The following LYPD6B variants were observed in gnomAD, a reference collection of about 807,000 sequenced individuals.
LYPD6B encodes ly6/PLAUR domain-containing protein 6B.
LYPD6B carries 17 observed loss-of-function variants against 22.8 expected under a neutral mutation model. The ratio of observed to expected loss-of-function variants is 0.75; its 90% CI spans 0.51 to 1.12. The LOEUF (loss-of-function observed/expected upper bound fraction) is 1.12. LYPD6B is among the 50% of genes most tolerant of loss of function. The pLI is 0.00. For missense variants in LYPD6B, 221 were observed against 258.3 expected, an observed-to-expected ratio of 0.86 and a Z score of 0.99; for synonymous variants, 106 against 91.6, an observed-to-expected ratio of 1.16 and a Z score of -0.90.
At chr2:149,054,884 A>G (rs1036111332) in intron 1 of LYPD6B, among the ~76,000 whole-genome samples, 8 of 152,146 alleles carry the variant, frequency 5.3e-5, no homozygotes, top group African/African-American at 1.7e-4. Flanking sequence ...ATTTAAAAAA[A>G]AAAAAAAGTT....
At chr2:149,134,098 C>T (rs1355484760) in intron 2 of LYPD6B, among the ~76,000 whole-genome samples, 1 of 152,140 alleles carries the variant, frequency 6.6e-6, no homozygotes, top group Middle Eastern at 3.4e-3. Flanking sequence ...TATGAAGTGT[C>T]GTTCTGAGAA....
At chr2:149,119,689 A>T (rs1040181999) in intron 1 of LYPD6B, among the ~76,000 whole-genome samples, 1 of 152,210 alleles carries the variant, frequency 6.6e-6, no homozygotes, top group African/African-American at 2.4e-5. Context: ...TCAATCTGTT[A>T]TCACTCTGCT....
At chr2:149,087,070 G>A (rs972467740) in intron 1 of LYPD6B, among the ~76,000 whole-genome samples, 2 of 151,898 alleles carry the variant, frequency 1.3e-5, no homozygotes, top group African/African-American at 4.8e-5. Flanking sequence ...TTGGGTATTA[G>A]GACTTCAACA....
At chr2:149,048,975 A>G (rs1418998493) in intron 1 of LYPD6B, among the ~76,000 whole-genome samples, 1 of 152,182 alleles carries the variant, frequency 6.6e-6, no homozygotes, top group East Asian at 1.9e-4. Context: ...AGGTATGGAT[A>G]TCGTTTATAA....
intron 1 of LYPD6B, among the ~76,000 whole-genome samples, chr2:149,063,381 A>G (rs1684181794): frequency 6.6e-6 from 1 of 152,196 alleles, no homozygotes; most frequent in African/African-American, 2.4e-5. Flanking sequence ...ATATACTTAT[A>G]TACCCTACAA....
intron 1 of LYPD6B, among the ~76,000 whole-genome samples, chr2:149,104,571 T>C (rs900732980): frequency 1.3e-5 from 2 of 152,222 alleles, no homozygotes; most frequent in African/African-American, 4.8e-5. Flanking sequence ...TTTGGATTGT[T>C]TTCTCATTAT....
At chr2:149,079,076 TA>T (rs60944860) in intron 1 of LYPD6B, among the ~76,000 whole-genome samples, 2,760 of 135,822 alleles carry the variant, frequency 0.02, 43 homozygotes, top group African/African-American at 0.053. Flanking sequence ...CTATTCAAAT[TA>T]AAAAAAAAAA....
chr2:149,060,788 T>A (rs1684040879), intron 1 of LYPD6B, among the ~76,000 whole-genome samples: 1 of 151,960 alleles, frequency 6.6e-6, no homozygotes, highest in Non-Finnish European at 1.5e-5. Context: ...TCCAAAAGGG[T>A]AGGAGCACAG....
intron 1 of LYPD6B, among the ~76,000 whole-genome samples, chr2:149,058,943 A>G (rs1027140039): frequency 1.3e-5 from 2 of 152,200 alleles, no homozygotes; most frequent in Non-Finnish European, 2.9e-5. Flanking sequence ...CTTCTTGGAT[A>G]TAGTTCCCTT....
intron 3 of LYPD6B, 73 bp from the exon 4 acceptor site, chr2:149,205,180 C>G: frequency 5.3e-6 from 8 of 1,502,276 alleles, no homozygotes; most frequent in Non-Finnish European, 6.3e-6. Context: ...TGGAGCTTTC[C>G]AAACAGAAGC....
At chr2:149,191,395 C>T (rs1020815235) in intron 3 of LYPD6B, among the ~76,000 whole-genome samples, 8 of 151,970 alleles carry the variant, frequency 5.3e-5, no homozygotes, top group African/African-American at 1.7e-4. Flanking sequence ...ATGTATCCAA[C>T]CATATTTTTT....
chr2:149,091,749 G>A (rs1411324376), intron 1 of LYPD6B, among the ~76,000 whole-genome samples: 2 of 151,950 alleles, frequency 1.3e-5, no homozygotes, highest in Non-Finnish European at 2.9e-5. Context: ...ACATTTATGA[G>A]ATGTCTCCTG....
chr2:149,038,775 A>G lies in LYPD6B; in HGVS notation c.-93A>G, dbSNP rs1234720167. ...GGCCGGGAGCCGGGTGAGGGCGCCG[A>G]GAGGCTCGGTGGGCGCGGGCGGCGA... On this transcript the variant is annotated 5_prime_UTR_variant, in exon 1 of 7. Transcript: ENST00000409642. 6.6e-6 allele frequency: 1 copy of G among 150,568 alleles called. No individual in the cohort carries two copies. The highest frequency in any genetic ancestry group is 1.5e-5 in the Non-Finnish European group (1 of 67,706). The allele number at this position is 150,568 out of a possible 1,614,324, so 9.3% of individuals were successfully genotyped here.
chr2:149,186,391 A>G (rs779241944), intron 3 of LYPD6B, among the ~76,000 whole-genome samples: 28 of 152,216 alleles, frequency 1.8e-4, no homozygotes, highest in Non-Finnish European at 3.8e-4. Flanking sequence ...GCTCTCTTCA[A>G]TTCTGTAAAG....
At chr2:149,191,520 T>C (rs1030151299) in intron 3 of LYPD6B, among the ~76,000 whole-genome samples, 1 of 152,238 alleles carries the variant, frequency 6.6e-6, no homozygotes, top group African/African-American at 2.4e-5. Context: ...CTGGACCGTC[T>C]ATTCTGTTTC....
intron 3 of LYPD6B, chr2:149,200,716 G>C (rs1010528610): frequency 1.3e-5 from 2 of 152,168 alleles, no homozygotes; most frequent in African/African-American, 4.8e-5. Context: ...GTAAGTCCTT[G>C]ATTCTGGTCA....
At chr2:149,041,465 A>T (rs1299175745) in intron 1 of LYPD6B, among the ~76,000 whole-genome samples, 7 of 152,182 alleles carry the variant, frequency 4.6e-5, no homozygotes, top group Non-Finnish European at 4.4e-5. Flanking sequence ...GAAACCAGTC[A>T]TTGGCAAAGG....
intron 1 of LYPD6B, among the ~76,000 whole-genome samples, chr2:149,109,724 T>C (rs1686665901): frequency 6.6e-6 from 1 of 152,134 alleles, no homozygotes. Context: ...TATTATTTAT[T>C]TTTTTGAGAT....
intron 1 of LYPD6B, among the ~76,000 whole-genome samples, chr2:149,129,877 A>T (rs371062695): frequency 1.1e-4 from 17 of 152,176 alleles, no homozygotes; most frequent in African/African-American, 4.1e-4. Context: ...AATGGAGGTC[A>T]GCCTGGGACC....
Sources: allele counts gnomAD v4.1 joint callset (sites outside exome capture counted in the v4.1 genomes callset), GRCh38; gene constraint gnomAD v4.1.1; transcripts MANE v1.5; gene names NCBI Gene and HGNC (gene_info 2026-07-23, HGNC 2026-07-21).